The following SNX8 variants were observed in gnomAD, a reference collection of about 807,000 sequenced individuals.
SNX8 encodes the protein sorting nexin 8.
A neutral mutation model predicts 51.6 loss-of-function variants in SNX8; 25 were observed. That is an observed-to-expected ratio of 0.48 (90% CI 0.35 to 0.68). The LOEUF (loss-of-function observed/expected upper bound fraction) is 0.68. Among genes scored for constraint, SNX8 ranks in the 30% least tolerant of loss-of-function variants. The pLI, the probability that SNX8 is intolerant of heterozygous loss-of-function variation, is 0.00. For synonymous variants in SNX8, 324 were observed against 277.0 expected (o/e 1.17, Z -1.68); for missense variants, 695 against 624.0 (o/e 1.11, Z -1.21).
intron 1 of SNX8, among the ~76,000 whole-genome samples, chr7:2,287,329 C>T (rs1001847761): frequency 4.0e-4 from 60 of 151,470 alleles, no homozygotes; most frequent in African/African-American, 1.2e-3. Flanking sequence ...CCTGTAATTC[C>T]AGTACTTTGG....
intron 1 of SNX8, among the ~76,000 whole-genome samples, chr7:2,283,757 C>T (rs959182457): frequency 6.6e-6 from 1 of 152,170 alleles, no homozygotes; most frequent in African/African-American, 2.4e-5. Flanking sequence ...CCACTCCCAG[C>T]GTCTCTCCAA....
chr7:2,313,989 C>G (rs980545142), intron 1 of SNX8, among the ~76,000 whole-genome samples: 3 of 152,350 alleles, frequency 2.0e-5, no homozygotes, highest in African/African-American at 7.2e-5. Context: ...AGCAGGGCAC[C>G]AGGAACGGGG....
At chr7:2,274,712 G>T (rs1795734294) in intron 3 of SNX8, among the ~76,000 whole-genome samples, 1 of 152,252 alleles carries the variant, frequency 6.6e-6, no homozygotes, top group Admixed American at 6.5e-5. Context: ...CCATGGCTCA[G>T]GCTGCCATGG....
At chr7:2,259,215 A>G (rs1795276647) in intron 7 of SNX8, among the ~76,000 whole-genome samples, 1 of 152,150 alleles carries the variant, frequency 6.6e-6, no homozygotes, top group Non-Finnish European at 1.5e-5. Flanking sequence ...AGCTCACCAC[A>G]GACCCCCCAG....
intron 1 of SNX8, 152 bp downstream of exon 1, chr7:2,314,176 G>T: frequency 1.3e-6 from 1 of 796,858 alleles, no homozygotes; most frequent in Non-Finnish European, 1.7e-6. Flanking sequence ...AGGGCAGGGG[G>T]ACCTCCGAGG....
intron 1 of SNX8, among the ~76,000 whole-genome samples, chr7:2,307,206 TTA>T (rs1796562079): frequency 6.6e-6 from 1 of 151,946 alleles, no homozygotes; most frequent in Admixed American, 6.6e-5. Flanking sequence ...ACCTGATATT[TTA>T]ATGCCAATAT....
At chr7:2,268,120 G>C (rs1352192983) in intron 5 of SNX8, among the ~76,000 whole-genome samples, 1 of 144,120 alleles carries the variant, frequency 6.9e-6, no homozygotes, top group African/African-American at 2.7e-5. Context: ...GAGGTGGGGG[G>C]GTCAGCCCCC....
chr7:2,324,677 G>T (rs980224604), intron 1 of SNX8, among the ~76,000 whole-genome samples: 1 of 152,138 alleles, frequency 6.6e-6, no homozygotes, highest in Non-Finnish European at 1.5e-5. Context: ...AGGCAACCAA[G>T]ACCAGAAAAG....
chr7:2,291,816 C>G lies in SNX8; in HGVS notation c.95-13511G>C, dbSNP rs181840961. 8.5e-5 allele frequency among the ~76,000 whole-genome samples: 13 copies of G among 152,296 alleles called. 1 individual carries two copies. In the East Asian group the frequency reaches 2.5e-3, roughly 29 times the overall value. On this transcript the variant is annotated intron_variant, in intron 1 of 10. Transcript: ENST00000222990. The stretch of plus-strand genomic sequence containing the variant: ...GGCTTCACTCTCCTTTTTGAACCTT[C>G]CTCAACCTGTCTCATTCACAGGCTT...
chr7:2,312,778 G>A (rs548524236), intron 1 of SNX8, among the ~76,000 whole-genome samples: 1 of 151,382 alleles, frequency 6.6e-6, no homozygotes, highest in Admixed American at 6.6e-5. Context: ...AGAAGAAACC[G>A]TAACTCACAC....
chr7:2,289,111 C>T (rs1796094647), intron 1 of SNX8, among the ~76,000 whole-genome samples: 1 of 152,180 alleles, frequency 6.6e-6, no homozygotes, highest in Non-Finnish European at 1.5e-5. Context: ...CATCAGGCTG[C>T]GAGACCTGTT....
At chr7:2,269,881 C>T (rs1795601139) in intron 4 of SNX8, among the ~76,000 whole-genome samples, 1 of 152,168 alleles carries the variant, frequency 6.6e-6, no homozygotes, top group Non-Finnish European at 1.5e-5. Context: ...TCCAGAGGCA[C>T]AGCCACTCCA....
intron 1 of SNX8, among the ~76,000 whole-genome samples, chr7:2,329,455 C>T (rs1042814185): frequency 2.6e-5 from 4 of 152,072 alleles, no homozygotes; most frequent in African/African-American, 4.8e-5. Context: ...GTTTTTCGTG[C>T]GGGGGCTCTT....
chr7:2,266,279 G>A (rs1239891087), intron 5 of SNX8, among the ~76,000 whole-genome samples: 1 of 152,064 alleles, frequency 6.6e-6, no homozygotes, highest in African/African-American at 2.4e-5. Flanking sequence ...CTGCCTCCTG[G>A]GTTCAAGCAG....
intron 3 of SNX8, 109 bp downstream of exon 3, chr7:2,275,003 C>T (rs1795742177): frequency 2.5e-6 from 2 of 786,490 alleles, no homozygotes; most frequent in Admixed American, 3.7e-5. Context: ...CCCCCGCAGC[C>T]CTGCACCTGC....
upstream of SNX8, chr7:2,354,425 C>T (rs1319628877): frequency 1.3e-5 from 2 of 152,236 alleles, no homozygotes; most frequent in Non-Finnish European, 2.9e-5. Context: ...TGAGCAATCG[C>T]CTGTTGAGTC....
At chr7:2,312,526 T>C (rs765704766) in intron 1 of SNX8, among the ~76,000 whole-genome samples, 1 of 152,110 alleles carries the variant, frequency 6.6e-6, no homozygotes, top group Non-Finnish European at 1.5e-5. Context: ...CTTACACTGA[T>C]ACAAGGGAAA....
At chr7:2,328,246 T>A (rs1778663449) in intron 1 of SNX8, among the ~76,000 whole-genome samples, 1 of 151,934 alleles carries the variant, frequency 6.6e-6, no homozygotes, top group East Asian at 2.0e-4. Context: ...GAGACAGGGG[T>A]TTCTCCACGC....
chr7:2,307,322 G>A (rs755334043), intron 1 of SNX8, among the ~76,000 whole-genome samples: 16 of 151,496 alleles, frequency 1.1e-4, no homozygotes, highest in South Asian at 4.2e-4. Flanking sequence ...GAGCGTGGCC[G>A]CGCTCCAGTT....
Sources: gnomAD v4.1 joint callset for allele counts (sites outside exome capture counted in the v4.1 genomes callset) on GRCh38, gnomAD v4.1.1 for gene constraint, MANE v1.5 for transcripts, NCBI Gene and HGNC (gene_info 2026-07-23, HGNC 2026-07-21) for gene names.